PLXNC1: variants seen among roughly 807,000 people sequenced by gnomAD.
PLXNC1 encodes plexin C1.
Under a neutral mutation model 178.2 loss-of-function variants are expected in PLXNC1, and 75 were observed. That is an observed-to-expected ratio of 0.42 (90% confidence interval 0.35 to 0.51). PLXNC1 has a LOEUF of 0.51. PLXNC1 is among the 20% of genes least tolerant of loss of function. The pLI, the probability that PLXNC1 is intolerant of heterozygous loss-of-function variation, is 0.02. For missense variants in PLXNC1, 1,503 were observed against 1,984.4 expected (o/e 0.76, Z 4.61); for synonymous variants, 790 against 779.9 (o/e 1.01, Z -0.22).
intron 4 of PLXNC1, among the ~76,000 whole-genome samples, chr12:94,203,121 C>A (rs1276617943): frequency 2.0e-5 from 3 of 152,038 alleles, no homozygotes; most frequent in Admixed American, 2.0e-4. Flanking sequence ...GCTTAGAATT[C>A]GTTTGGGTAC....
chr12:94,231,288 C>G (rs1243564231), intron 9 of PLXNC1, among the ~76,000 whole-genome samples: 1 of 152,124 alleles, frequency 6.6e-6, no homozygotes. Flanking sequence ...CCAGCATATG[C>G]ACAGTGTAGG....
chr12:94,150,040 C>A lies in PLXNC1; in HGVS notation c.1062+7C>A. The A allele has an allele frequency of 6.4e-7, 1 of 1,567,746 alleles. No homozygotes were observed. The highest frequency in any genetic ancestry group is 8.6e-7 in the Non-Finnish European group (1 of 1,160,218). On this transcript the variant is annotated splice_region_variant and intron_variant, in intron 1 of 30. Coordinates refer to ENST00000258526, the MANE Select transcript of PLXNC1 (RefSeq NM_005761.3). ...GACGGCCGAGAGCCACTGCGTAAGT[C>A]CTGCCCCCGGGGCGCCGCGGAGAGC...
intron 15 of PLXNC1, among the ~76,000 whole-genome samples, chr12:94,253,280 G>A (rs1345003611): frequency 7.0e-6 from 1 of 142,796 alleles, no homozygotes; most frequent in African/African-American, 2.5e-5. Context: ...TTGACTTTCT[G>A]AAATTTGACA....
intron 30 of PLXNC1, among the ~76,000 whole-genome samples, chr12:94,304,609 C>T (rs1166853462): frequency 6.6e-6 from 1 of 152,100 alleles, no homozygotes; most frequent in Non-Finnish European, 1.5e-5. Context: ...CCCAATCATG[C>T]TGGGACAGGC....
At chr12:94,252,385 C>T (rs1401827813) in intron 15 of PLXNC1, among the ~76,000 whole-genome samples, 5 of 152,062 alleles carry the variant, frequency 3.3e-5, no homozygotes, top group Admixed American at 1.3e-4. Context: ...GAGTTATGAT[C>T]GTGCCACTGC....
intron 21 of PLXNC1, chr12:94,277,695 T>C (rs1049065952): frequency 5.4e-5 from 18 of 335,148 alleles, no homozygotes; most frequent in Middle Eastern, 1.1e-3. Context: ...GGAGTGGGCG[T>C]CCTAGCTGTC....
chr12:94,279,410 A>G, intron 21 of PLXNC1, 62 bp from the exon 22 acceptor site: 1 of 1,473,974 alleles, frequency 6.8e-7, no homozygotes, highest in Non-Finnish European at 9.3e-7. Flanking sequence ...TGTGTCTTTT[A>G]TGAAATGCCT....
intron 24 of PLXNC1, among the ~76,000 whole-genome samples, chr12:94,296,040 T>A (rs1405776843): frequency 6.6e-6 from 1 of 152,196 alleles, no homozygotes; most frequent in African/African-American, 2.4e-5. Context: ...GTGCTTTGGG[T>A]CCACCATCCT....
Position 94,301,073 on chromosome 12 carries a change from AG to A in PLXNC1, c.4386+17del. On this transcript the variant is annotated intron_variant, in intron 28 of 30. Coordinates refer to ENST00000258526, the MANE Select transcript of PLXNC1 (RefSeq NM_005761.3). ...ACTAGGGAAGGTAAGGCCCAGCTTG[AG>A]TATTTCTTGTATGCAGTCTTATGAG... 2 of 1,612,210 alleles carry A rather than the reference AG, an allele frequency of 1.2e-6. No homozygotes were observed.
rs1555192596 is a variant in PLXNC1 at position 94,149,253 on chromosome 12, GC to G, written c.288del (p.Ala97ArgfsTer46). The G allele has an allele frequency of 2.6e-6, 4 of 1,545,642 alleles. No homozygotes were observed. Among genetic ancestry groups the G allele is most frequent in the South Asian group, 1.2e-5 (1 of 83,916 alleles). On this transcript the variant is annotated frameshift_variant, in exon 1 of 31. Transcript: ENST00000258526. LOFTEE classifies it high-confidence loss of function. ...ACTGCACAGAGCCGGTCTCGCTGGC[GC>G]CCCCCGCGCGGCCCCGGCCCGGGAG... ...GNCTEPVSLA[P>X]PARPRPGSSF...
chr12:94,188,983 GA>G (rs1287227029), intron 4 of PLXNC1, among the ~76,000 whole-genome samples: 17 of 150,714 alleles, frequency 1.1e-4, no homozygotes, highest in African/African-American at 3.7e-4. Flanking sequence ...AAAAGAGAGA[GA>G]AGGAGTGGAC....
chr12:94,247,907 C>T lies in PLXNC1; in HGVS notation c.2393C>T (p.Ser798Phe). 6.2e-7 allele frequency: 1 copy of T among 1,613,866 alleles called. No individual in the cohort carries two copies. ...CATTCTTTTCTTTTTGTCCAGGTCT[C>T]TGAATATTGTGTGGCGACTTACTGC... is the stretch of plus-strand genomic sequence containing the variant. ...SHELKGNINVSEYCVATYCGF... is the reference protein window; with the variant it reads ...SHELKGNINVFEYCVATYCGF... The change falls in exon 13 of 31, where the codon TCT becomes TTT. Residue 798 changes from serine to phenylalanine, a missense_variant. This residue lies in a region of PLXNC1 where 639 missense variants were observed against 979.7 expected (regional missense o/e 0.65). Transcript: ENST00000258526.
At chr12:94,284,190 C>G (rs867493015) in intron 23 of PLXNC1, among the ~76,000 whole-genome samples, 1 of 151,882 alleles carries the variant, frequency 6.6e-6, no homozygotes, top group Non-Finnish European at 1.5e-5. Flanking sequence ...TGGGGAGAGT[C>G]AGAATCTTGT....
chr12:94,172,062 T>C (rs1288692145), intron 2 of PLXNC1, among the ~76,000 whole-genome samples: 1 of 152,232 alleles, frequency 6.6e-6, no homozygotes, highest in Non-Finnish European at 1.5e-5. Flanking sequence ...AATCCCTTTA[T>C]TCAGAAGCTT....
intron 2 of PLXNC1, among the ~76,000 whole-genome samples, 178 bp downstream of exon 2, chr12:94,169,471 C>A (rs1961759470): frequency 6.6e-6 from 1 of 152,062 alleles, no homozygotes; most frequent in Admixed American, 6.5e-5. Context: ...TGTAAGAATG[C>A]CCCGTAGCCA....
At chr12:94,188,938 T>G (rs1301369300) in intron 4 of PLXNC1, among the ~76,000 whole-genome samples, 1 of 152,068 alleles carries the variant, frequency 6.6e-6, no homozygotes, top group African/African-American at 2.4e-5. Context: ...CCATTGAGAA[T>G]GAGGTGAGGG....
At chr12:94,192,222 A>G (rs1962752406) in intron 4 of PLXNC1, among the ~76,000 whole-genome samples, 1 of 152,202 alleles carries the variant, frequency 6.6e-6, no homozygotes, top group Non-Finnish European at 1.5e-5. Context: ...GCTAGGTAGT[A>G]TTGAGAGAAA....
At chr12:94,304,229 C>A (rs1266840908) in intron 30 of PLXNC1, 178 bp downstream of exon 30, 2 of 514,720 alleles carry the variant, frequency 3.9e-6, no homozygotes, top group Admixed American at 3.5e-5. Flanking sequence ...GGCTGCCCCC[C>A]TTACAGTTTT....
intron 15 of PLXNC1, among the ~76,000 whole-genome samples, chr12:94,254,047 T>A (rs1964774120): frequency 1.3e-5 from 2 of 152,228 alleles, no homozygotes; most frequent in Non-Finnish European, 1.5e-5. Context: ...TATACTTTTT[T>A]AAACAATACA....
Sources: allele counts gnomAD v4.1 joint callset (sites outside exome capture counted in the v4.1 genomes callset), GRCh38; gene constraint gnomAD v4.1.1; regional missense constraint gnomAD v4.1.1; transcripts MANE v1.5; gene names NCBI Gene and HGNC (gene_info 2026-07-23, HGNC 2026-07-21).